CADM1: variants seen among roughly 807,000 people sequenced by gnomAD.
CADM1 encodes cell adhesion molecule 1.
Under a neutral mutation model 53.1 loss-of-function variants are expected in CADM1, and 15 were observed. That is an observed-to-expected ratio of 0.28 (90% confidence interval 0.19 to 0.44). The LOEUF (loss-of-function observed/expected upper bound fraction) is 0.44. Ranked by LOEUF, CADM1 falls within the 20% of genes least tolerant of loss-of-function variation. The pLI is 1.00. For synonymous variants in CADM1, 281 were observed against 243.0 expected, an observed-to-expected ratio of 1.16 and a Z score of -1.45; for missense variants, 434 against 611.3, an observed-to-expected ratio of 0.71 and a Z score of 3.06.
rs1014330617 is a variant in CADM1 at position 115,176,054 on chromosome 11, A to G, written c.*420T>C. On this transcript the variant is annotated 3_prime_UTR_variant, in exon 12 of 12. Coordinates refer to ENST00000331581, the MANE Select transcript of CADM1 (RefSeq NM_001301043.2). ...AAAAGGGAAGGAAAAGAGTCTAAGG[A>G]ATCCCAGCAGGCAAATTCCAAAATG... is the stretch of plus-strand genomic sequence containing the variant. The G allele has an allele frequency of 1.0e-5, 11 of 1,087,046 alleles. No individual in the cohort carries two copies. The highest frequency in any genetic ancestry group is 1.1e-5 in the Non-Finnish European group (10 of 891,514). 67.3% of individuals were successfully genotyped at this position (1,087,046 alleles called of 1,614,324 possible).
chr11:115,455,420 G>C (rs75227293), intron 1 of CADM1, among the ~76,000 whole-genome samples: 1 of 151,610 alleles, frequency 6.6e-6, no homozygotes, highest in Non-Finnish European at 1.5e-5. Context: ...TATATATAGA[G>C]AGAGAGAGAA....
chr11:115,464,966 C>G (rs957002526), intron 1 of CADM1, among the ~76,000 whole-genome samples: 12 of 152,188 alleles, frequency 7.9e-5, no homozygotes, highest in Admixed American at 7.2e-4. Context: ...TACTGGGCAT[C>G]AAGTTTACAG....
intron 1 of CADM1, among the ~76,000 whole-genome samples, chr11:115,392,807 A>G (rs567890823): frequency 2.9e-4 from 44 of 152,268 alleles, no homozygotes; most frequent in African/African-American, 1.0e-3. Flanking sequence ...AATAGAGGCA[A>G]AGATCAAATA....
intron 1 of CADM1, among the ~76,000 whole-genome samples, chr11:115,317,453 A>C (rs947324276): frequency 7.9e-5 from 12 of 152,192 alleles, no homozygotes; most frequent in African/African-American, 2.7e-4. Flanking sequence ...TAAAGTGGAG[A>C]GGGTTCATCC....
chr11:115,319,916 T>C lies in CADM1; in HGVS notation c.125-79496A>G, dbSNP rs573011467. Among the ~76,000 whole-genome samples, 3 of 152,286 alleles carry C rather than the reference T, an allele frequency of 2.0e-5. No individual in the cohort carries two copies. The South Asian group carries it at 6.2e-4, about 32-fold the overall frequency. Reference sequence around the variant, plus strand: ...ACAACCCTAAAATTATCAAACATAATTTTATCTTCCTGTTGGGGCCTTATT... The same window carrying C: ...ACAACCCTAAAATTATCAAACATAACTTTATCTTCCTGTTGGGGCCTTATT... On this transcript the variant is annotated intron_variant, in intron 1 of 11. Transcript: ENST00000331581.
At chr11:115,325,091 A>G (rs1944926255) in intron 1 of CADM1, among the ~76,000 whole-genome samples, 1 of 152,220 alleles carries the variant, frequency 6.6e-6, no homozygotes, top group African/African-American at 2.4e-5. Flanking sequence ...GCAAAATAGC[A>G]TTTTAAAGCC....
chr11:115,444,915 T>G (rs1404487740), intron 1 of CADM1, among the ~76,000 whole-genome samples: 1 of 152,142 alleles, frequency 6.6e-6, no homozygotes, highest in Admixed American at 6.5e-5. Flanking sequence ...GTTGTTGCTG[T>G]GACATATTTG....
chr11:115,277,397 T>C (rs529480267), intron 1 of CADM1, among the ~76,000 whole-genome samples: 32 of 152,158 alleles, frequency 2.1e-4, no homozygotes, highest in Admixed American at 4.6e-4. Flanking sequence ...TTAATAATAA[T>C]AACAACAATA....
rs1041558848 is a variant in CADM1 at position 115,228,107 on chromosome 11, G to A, written c.721+1006C>T. Among the ~76,000 whole-genome samples, 96 of 152,314 alleles carry A rather than the reference G, an allele frequency of 6.3e-4. 3 individuals are homozygous for A. Among genetic ancestry groups the A allele is most frequent in the Admixed American group, 6.3e-3 (96 of 15,296 alleles). Reference sequence around the variant, plus strand: ...TCATGTGACGATGAAGGCAGAGAGTGGAGTGGTGAAGCCACAAGTTAAGGC... The same window carrying A: ...TCATGTGACGATGAAGGCAGAGAGTAGAGTGGTGAAGCCACAAGTTAAGGC... On this transcript the variant is annotated intron_variant, in intron 5 of 11. Transcript: ENST00000331581.
intron 7 of CADM1, among the ~76,000 whole-genome samples, chr11:115,211,654 A>AT (rs368847838): frequency 0.037 from 4,790 of 128,968 alleles, 218 homozygotes; most frequent in African/African-American, 0.12. Flanking sequence ...TAATTTTTGT[A>AT]TTTTTTTTTT....
At chr11:115,217,523 T>C (rs1213665529) in intron 6 of CADM1, among the ~76,000 whole-genome samples, 1 of 152,196 alleles carries the variant, frequency 6.6e-6, no homozygotes, top group Admixed American at 6.5e-5. Context: ...TAAAACCATC[T>C]TTCTAGCAGC....
intron 1 of CADM1, among the ~76,000 whole-genome samples, chr11:115,331,567 T>G (rs1026993935): frequency 6.6e-6 from 1 of 152,110 alleles, no homozygotes; most frequent in Non-Finnish European, 1.5e-5. Flanking sequence ...CTATATATAA[T>G]AAAGAATTCA....
intron 1 of CADM1, among the ~76,000 whole-genome samples, chr11:115,480,654 G>A (rs551801315): frequency 1.6e-4 from 24 of 152,270 alleles, no homozygotes; most frequent in Admixed American, 3.3e-4. Flanking sequence ...TCACTGCAAC[G>A]TAATGTTTCC....
intron 1 of CADM1, among the ~76,000 whole-genome samples, chr11:115,318,774 A>G (rs994168580): frequency 4.6e-5 from 7 of 152,200 alleles, no homozygotes; most frequent in Admixed American, 1.3e-4. Context: ...CAATAAAGAC[A>G]TACTCAAAGA....
chr11:115,277,989 T>C (rs1263410517), intron 1 of CADM1, among the ~76,000 whole-genome samples: 1 of 152,152 alleles, frequency 6.6e-6, no homozygotes, highest in East Asian at 1.9e-4. Context: ...CCGATGACCA[T>C]GCCCCTCTCT....
At chr11:115,444,404 T>C (rs1948400177) in intron 1 of CADM1, among the ~76,000 whole-genome samples, 2 of 152,214 alleles carry the variant, frequency 1.3e-5, no homozygotes, top group African/African-American at 4.8e-5. Flanking sequence ...GCTGTATAAT[T>C]GGGGATAAAA....
intron 10 of CADM1, among the ~76,000 whole-genome samples, chr11:115,189,540 C>G (rs1247114490): frequency 2.7e-5 from 3 of 109,130 alleles, no homozygotes; most frequent in African/African-American, 3.7e-5. Flanking sequence ...TTGCTTACTT[C>G]CAGCATCACA....
chr11:115,359,752 A>G (rs1312490703), intron 1 of CADM1, among the ~76,000 whole-genome samples: 1 of 152,182 alleles, frequency 6.6e-6, no homozygotes, highest in Non-Finnish European at 1.5e-5. Context: ...TTTAGTTTAA[A>G]TGTAAGAGAA....
chr11:115,437,989 A>G (rs1948221200), intron 1 of CADM1, among the ~76,000 whole-genome samples: 2 of 152,224 alleles, frequency 1.3e-5, no homozygotes, highest in Non-Finnish European at 2.9e-5. Context: ...GAACTCCAGG[A>G]GCACCGTGTA....
Sources: gnomAD v4.1 joint callset for allele counts (sites outside exome capture counted in the v4.1 genomes callset) on GRCh38, gnomAD v4.1.1 for gene constraint, MANE v1.5 for transcripts, NCBI Gene and HGNC (gene_info 2026-07-23, HGNC 2026-07-21) for gene names.